Variants in OTULINL observed in about 807,000 individuals in gnomAD.
OTULINL encodes the protein OTU deubiquitinase with linear linkage specificity like, also known as inactive ubiquitin thioesterase OTULINL.
A neutral mutation model predicts 43.9 loss-of-function variants in OTULINL; 42 were observed. The observed-to-expected ratio is 0.96, with a 90% CI of 0.75 to 1.24. The LOEUF (loss-of-function observed/expected upper bound fraction) is 1.24, where lower values mean the gene tolerates loss of function less well. OTULINL is among the 50% of genes most tolerant of loss of function. The probability of loss-of-function intolerance (pLI) is 0.00; values close to 1 mark genes in which losing one functional copy is unlikely to be tolerated. For synonymous variants in OTULINL, 172 were observed against 153.6 expected, an observed-to-expected ratio of 1.12 and a Z score of -0.88; for missense variants, 411 against 426.4, an observed-to-expected ratio of 0.96 and a Z score of 0.32.
Position 14,613,783 on chromosome 5 carries a change from C to G in OTULINL, c.*3469C>G, listed in dbSNP as rs1294745115. The stretch of plus-strand genomic sequence containing the variant: ...GGGGACCGGAGACCTCCAGACTAAG[C>G]TGGTGGAGGATGGGCTCAACCTCCA... On this transcript the variant is annotated 3_prime_UTR_variant, in exon 8 of 8. Coordinates refer to ENST00000274217, the MANE Select transcript of OTULINL (RefSeq NM_019018.3). Among the ~76,000 whole-genome samples the G allele has an allele frequency of 6.6e-6, 1 of 152,170 alleles. No homozygotes were observed. Among genetic ancestry groups the G allele is most frequent in the Non-Finnish European group, 1.5e-5 (1 of 68,036 alleles).
rs148020062 is a variant in OTULINL at position 14,611,141 on chromosome 5, A to T, written c.*827A>T. On this transcript the variant is annotated 3_prime_UTR_variant, in exon 8 of 8. Transcript: ENST00000274217. ...ATTATGGTAGGCAGAATAATGCCCT[A>T]TGCTCCCCAAAGATGTCTGTGTCTG... 6.6e-6 allele frequency: 1 copy of T among 152,188 alleles called. No individual in the cohort carries two copies. Among genetic ancestry groups the T allele is most frequent in the African/African-American group, 2.4e-5 (1 of 41,446 alleles). 9.4% of individuals were successfully genotyped at this position (152,188 alleles called of 1,614,324 possible). A position where few individuals can be genotyped will look rare whatever the true frequency, so the allele number is the denominator to read the frequency against.
chr5:14,602,931 T>A (rs568391993), intron 5 of OTULINL, among the ~76,000 whole-genome samples: 1 of 152,354 alleles, frequency 6.6e-6, no homozygotes, highest in East Asian at 1.9e-4. Context: ...AGAGTTTTAA[T>A]AAATGCATAG....
At chr5:14,591,219 A>G (rs747732919) in intron 1 of OTULINL, among the ~76,000 whole-genome samples, 2 of 152,198 alleles carry the variant, frequency 1.3e-5, no homozygotes, top group Non-Finnish European at 2.9e-5. Context: ...GCCTGGGTCT[A>G]AAGATCCCAG....
At chr5:14,585,112 TTACTCTC>T (rs1302326698) in intron 1 of OTULINL, among the ~76,000 whole-genome samples, 3 of 152,048 alleles carry the variant, frequency 2.0e-5, no homozygotes, top group African/African-American at 7.2e-5. Context: ...TTCAAGGTCT[TTACTCTC>T]TAGGAGGAGA....
At chr5:14,602,470 C>A in intron 5 of OTULINL, 138 bp downstream of exon 5, 1 of 722,450 alleles carries the variant, frequency 1.4e-6, no homozygotes, top group Non-Finnish European at 2.3e-6. Flanking sequence ...CAAGATCTCA[C>A]TGTCACCCAG....
At chr5:14,589,431 T>A (rs1467466069) in intron 1 of OTULINL, among the ~76,000 whole-genome samples, 1 of 151,920 alleles carries the variant, frequency 6.6e-6, no homozygotes, top group Non-Finnish European at 1.5e-5. Context: ...AAGGCACTCC[T>A]CCTATTGGAG....
rs1351849533 is a variant in OTULINL at position 14,601,340 on chromosome 5, A to T, written c.257-11A>T. On this transcript the variant is annotated splice_polypyrimidine_tract_variant and intron_variant, in intron 3 of 7. Coordinates refer to ENST00000274217, the MANE Select transcript of OTULINL (RefSeq NM_019018.3). ...GAGAATTAACAGCTTTTTATTTTTT[A>T]TTTGGTCCAGGGAACCTCAGTGTGG... 6.2e-7 allele frequency: 1 copy of T among 1,613,124 alleles called. No homozygotes were observed. The highest frequency in any genetic ancestry group is 1.3e-5 in the African/African-American group (1 of 74,884).
At chr5:14,582,903 A>G in intron 1 of OTULINL, among the ~76,000 whole-genome samples, 1 of 149,790 alleles carries the variant, frequency 6.7e-6, no homozygotes, top group South Asian at 2.1e-4. Context: ...CGACGTCTCC[A>G]CCCGCTGGCT....
At chr5:14,601,269 CTTTAT>C in intron 3 of OTULINL, 25 bp downstream of exon 3, 1 of 1,609,232 alleles carries the variant, frequency 6.2e-7, no homozygotes, top group East Asian at 2.2e-5. Context: ...TCATTTATTT[CTTTAT>C]TTTTAAGGTG....
intron 1 of OTULINL, among the ~76,000 whole-genome samples, chr5:14,588,298 C>T (rs1355260950): frequency 6.6e-6 from 1 of 152,096 alleles, no homozygotes; most frequent in Non-Finnish European, 1.5e-5. Context: ...AATGGCCTGG[C>T]TTCCTTATGT....
intron 6 of OTULINL, among the ~76,000 whole-genome samples, 153 bp from the exon 7 acceptor site, chr5:14,608,595 A>T (rs73046732): frequency 0.012 from 1,814 of 152,288 alleles, 30 homozygotes; most frequent in African/African-American, 0.041. Flanking sequence ...GGTTAAAAAA[A>T]ATCAAACAGT....
chr5:14,608,608 C>A, intron 6 of OTULINL, 140 bp from the exon 7 acceptor site: 2 of 701,226 alleles, frequency 2.9e-6, no homozygotes, highest in Non-Finnish European at 4.6e-6. Context: ...CAAACAGTGC[C>A]GAAAGATAGA....
At chr5:14,595,627 A>C (rs1306996148) in intron 1 of OTULINL, among the ~76,000 whole-genome samples, 12 of 127,700 alleles carry the variant, frequency 9.4e-5, no homozygotes, top group African/African-American at 3.2e-4. Context: ...GAATTTTACC[A>C]CCAAAAACGG....
chr5:14,582,143 T>C (rs1392095214), intron 1 of OTULINL, among the ~76,000 whole-genome samples, 185 bp downstream of exon 1: 3 of 151,826 alleles, frequency 2.0e-5, no homozygotes, highest in Admixed American at 1.3e-4. Context: ...GGGGCGGGGC[T>C]GCACCCCCAC....
Position 14,601,409 on chromosome 5 carries a change from A to AG in OTULINL, c.317dup (p.Glu107ArgfsTer5), listed in dbSNP as rs1414894572. On this transcript the variant is annotated frameshift_variant, in exon 4 of 8. Coordinates refer to ENST00000274217, the MANE Select transcript of OTULINL (RefSeq NM_019018.3). LOFTEE classifies it high-confidence loss of function. ...TCAGTTATTGTGCAAGAGAATGGAA[A>AG]GGAGAGACACCCCGTAACAAGCTGA... 2 of 1,614,212 alleles carry AG rather than the reference A, an allele frequency of 1.2e-6. No homozygotes were observed. The highest frequency in any genetic ancestry group is 1.7e-6 in the Non-Finnish European group (2 of 1,180,034).
intron 1 of OTULINL, among the ~76,000 whole-genome samples, chr5:14,583,694 T>A (rs1759057197): frequency 6.6e-6 from 1 of 152,202 alleles, no homozygotes; most frequent in Admixed American, 6.5e-5. Flanking sequence ...TGGAAAACTT[T>A]TTTCTCCAAA....
chr5:14,586,721 C>T (rs1759106314), intron 1 of OTULINL, among the ~76,000 whole-genome samples: 1 of 152,210 alleles, frequency 6.6e-6, no homozygotes, highest in Non-Finnish European at 1.5e-5. Flanking sequence ...AATACCTCAG[C>T]TCTTTCTCCT....
chr5:14,609,439 GTTTCT>G (rs1350147873), intron 7 of OTULINL, among the ~76,000 whole-genome samples: 2 of 152,196 alleles, frequency 1.3e-5, no homozygotes, highest in African/African-American at 4.8e-5. Flanking sequence ...CTAGAAAAGA[GTTTCT>G]TTTTTGTTTT....
chr5:14,614,996 A>G lies in OTULINL; in HGVS notation c.*4682A>G, dbSNP rs1478787235. On this transcript the variant is annotated 3_prime_UTR_variant, in exon 8 of 8. Coordinates refer to ENST00000274217, the MANE Select transcript of OTULINL (RefSeq NM_019018.3). The stretch of plus-strand genomic sequence containing the variant: ...AGAATATCCTTGAATAAAGAAGTAC[A>G]TGTTTTAAGTATTTTCATCGTAGTC... 6 of 373,626 alleles carry G rather than the reference A, an allele frequency of 1.6e-5. No individual in the cohort carries two copies. Among genetic ancestry groups the G allele is most frequent in the Admixed American group, 1.4e-4 (3 of 21,962 alleles). The allele number at this position is 373,626 out of a possible 1,614,324, so 23.1% of individuals were successfully genotyped here.
Sources: gnomAD v4.1 joint callset for allele counts (sites outside exome capture counted in the v4.1 genomes callset) on GRCh38, gnomAD v4.1.1 for gene constraint, MANE v1.5 for transcripts, NCBI Gene and HGNC (gene_info 2026-07-23, HGNC 2026-07-21) for gene names.